The following KLHL1 variants were observed in gnomAD, a reference collection of about 807,000 sequenced individuals.
KLHL1 encodes kelch-like protein 1.
In KLHL1, 47 loss-of-function variants were observed where a neutral mutation model predicts 77.7. That is an observed-to-expected ratio of 0.60 (90% confidence interval 0.48 to 0.77). The LOEUF (loss-of-function observed/expected upper bound fraction) is 0.77, where lower values mean the gene tolerates loss of function less well. Ranked by LOEUF, KLHL1 falls within the 30% of genes least tolerant of loss-of-function variation. The pLI, the probability that KLHL1 is intolerant of heterozygous loss-of-function variation, is 0.00. For synonymous variants in KLHL1, 360 were observed against 325.2 expected (o/e 1.11, Z -1.15); for missense variants, 925 against 910.8 (o/e 1.02, Z -0.20).
At chr13:69,732,884 G>T (rs983423689) in intron 8 of KLHL1, among the ~76,000 whole-genome samples, 3 of 152,002 alleles carry the variant, frequency 2.0e-5, no homozygotes, top group Non-Finnish European at 4.4e-5. Context: ...CTAAGCAGTG[G>T]CCCAAATAGC....
intron 7 of KLHL1, among the ~76,000 whole-genome samples, chr13:69,780,720 A>ATG: frequency 1.6e-5 from 1 of 60,674 alleles, no homozygotes; most frequent in East Asian, 3.7e-4. Flanking sequence ...ATATATGTAT[A>ATG]TATATATATA....
At chr13:69,892,997 T>C (rs999484414) in intron 4 of KLHL1, among the ~76,000 whole-genome samples, 7 of 152,204 alleles carry the variant, frequency 4.6e-5, no homozygotes, top group Non-Finnish European at 7.3e-5. Context: ...ACTAGTTGCT[T>C]ACAACCAACA....
intron 1 of KLHL1, among the ~76,000 whole-genome samples, chr13:70,046,687 G>GT (rs1021615871): frequency 5.4e-4 from 82 of 152,008 alleles, no homozygotes; most frequent in African/African-American, 1.7e-3. Context: ...GTTTTGTTCT[G>GT]TTTTTTAATA....
Position 69,839,124 on chromosome 13 carries a change from A to C in KLHL1, c.1266T>G (p.Asn422Lys). The C allele has an allele frequency of 6.2e-7, 1 of 1,606,326 alleles. No individual in the cohort carries two copies. The highest frequency in any genetic ancestry group is 8.5e-7 in the Non-Finnish European group (1 of 1,175,816). ...GAATCAGCTTTTGACATTCCAGATC[A>C]TTCTTAAATAATGCATGATTTTCTA... ...ADLENHALFK[N>K]DLECQKLILE... is the part of the protein sequence containing the mutation. The change falls in exon 6 of 11, where the codon AAT (asparagine) becomes AAG (lysine). Residue 422 changes from asparagine to lysine, a missense_variant. Transcript: ENST00000377844.
chr13:69,786,178 A>G (rs2138016348), intron 7 of KLHL1, among the ~76,000 whole-genome samples: 1 of 152,308 alleles, frequency 6.6e-6, no homozygotes, highest in East Asian at 1.9e-4. Context: ...TCATCCTGAT[A>G]CCAAAGCCTG....
chr13:69,921,829 A>G (rs1477692443), intron 4 of KLHL1, among the ~76,000 whole-genome samples: 1 of 152,168 alleles, frequency 6.6e-6, no homozygotes, highest in Non-Finnish European at 1.5e-5. Context: ...TATAAGAACA[A>G]GGTTATACAA....
rs1888127952 is a variant in KLHL1, at chr13:70,108,277, T to TAAA, written c.-579_-578insTTT. On this transcript the variant is annotated 5_prime_UTR_variant, in exon 1 of 11. Coordinates refer to ENST00000377844, the MANE Select transcript of KLHL1 (RefSeq NM_020866.3). ...ACCTGCGCCCCTGTCCCTGGCCTTT[T>TAAA]CGAGGATGCCCCGATAGCCTGCCGG... 2.7e-6 allele frequency: 1 copy of TAAA among 372,806 alleles called. No homozygotes were observed. The highest frequency in any genetic ancestry group is 2.1e-5 in the African/African-American group (1 of 48,118). 23.1% of individuals were successfully genotyped at this position (372,806 alleles called of 1,614,324 possible).
chr13:69,907,463 TAAC>T (rs1229608068), intron 4 of KLHL1, among the ~76,000 whole-genome samples: 1 of 151,998 alleles, frequency 6.6e-6, no homozygotes. Flanking sequence ...TACTTATAAT[TAAC>T]AATTGTTAAT....
intron 3 of KLHL1, among the ~76,000 whole-genome samples, chr13:69,942,678 T>C (rs1362849940): frequency 2.0e-5 from 3 of 152,172 alleles, no homozygotes; most frequent in African/African-American, 7.2e-5. Context: ...TATGTATGTG[T>C]ATGTGTGTAT....
intron 4 of KLHL1, among the ~76,000 whole-genome samples, chr13:69,930,111 G>A (rs1252267067): frequency 1.3e-5 from 2 of 151,776 alleles, no homozygotes; most frequent in African/African-American, 4.8e-5. Context: ...TGCACTTTGA[G>A]AAATTTATAG....
chr13:69,778,263 G>A (rs1328579824), intron 7 of KLHL1, among the ~76,000 whole-genome samples: 1 of 151,954 alleles, frequency 6.6e-6, no homozygotes, highest in South Asian at 2.1e-4. Context: ...CTAAAAACTG[G>A]CCAATTACTC....
intron 5 of KLHL1, among the ~76,000 whole-genome samples, chr13:69,881,486 C>A (rs892539385): frequency 1.1e-4 from 17 of 152,200 alleles, no homozygotes; most frequent in South Asian, 2.1e-4. Flanking sequence ...ACAAGTTTAC[C>A]CATCAACTTA....
intron 5 of KLHL1, among the ~76,000 whole-genome samples, chr13:69,858,292 T>C (rs1880002267): frequency 6.6e-6 from 1 of 152,102 alleles, no homozygotes; most frequent in South Asian, 2.1e-4. Flanking sequence ...TGGGTGAGAC[T>C]CCTTGAGAGA....
chr13:69,928,294 T>A (rs1882881956), intron 4 of KLHL1, among the ~76,000 whole-genome samples: 1 of 152,156 alleles, frequency 6.6e-6, no homozygotes, highest in African/African-American at 2.4e-5. Context: ...CAATTGACAA[T>A]CTCCACACTT....
At chr13:69,916,042 A>G (rs1480450231) in intron 4 of KLHL1, among the ~76,000 whole-genome samples, 1 of 152,188 alleles carries the variant, frequency 6.6e-6, no homozygotes, top group Non-Finnish European at 1.5e-5. Flanking sequence ...ACAATGAGAT[A>G]CCATCTCACA....
At chr13:70,058,648 T>A (rs1331179610) in intron 1 of KLHL1, among the ~76,000 whole-genome samples, 2 of 152,132 alleles carry the variant, frequency 1.3e-5, no homozygotes, top group East Asian at 3.8e-4. Context: ...ACACAAGCAA[T>A]CTTTAGATTC....
At chr13:69,899,476 T>C (rs1881781313) in intron 4 of KLHL1, among the ~76,000 whole-genome samples, 1 of 152,164 alleles carries the variant, frequency 6.6e-6, no homozygotes, top group Admixed American at 6.5e-5. Flanking sequence ...GTAGGGCCCC[T>C]TACAAGAAAT....
intron 1 of KLHL1, among the ~76,000 whole-genome samples, chr13:70,007,431 C>A (rs1340689633): frequency 6.7e-6 from 1 of 148,918 alleles, no homozygotes; most frequent in Admixed American, 6.7e-5. Context: ...GGCAACACAG[C>A]AATATTTCAT....
At chr13:70,096,143 G>C (rs1291889752) in intron 1 of KLHL1, among the ~76,000 whole-genome samples, 1 of 152,040 alleles carries the variant, frequency 6.6e-6, no homozygotes, top group Non-Finnish European at 1.5e-5. Context: ...TAATTGTGCT[G>C]CAATAAACAC....
Sources: gnomAD v4.1 joint callset for allele counts (sites outside exome capture counted in the v4.1 genomes callset) on GRCh38, gnomAD v4.1.1 for gene constraint, MANE v1.5 for transcripts, NCBI Gene and HGNC (gene_info 2026-07-23, HGNC 2026-07-21) for gene names.